Variants in CACNA2D3 observed in about 807,000 individuals in gnomAD.
The protein encoded by CACNA2D3 is calcium voltage-gated channel auxiliary subunit alpha2delta 3.
In CACNA2D3, 60 loss-of-function variants were observed where a neutral mutation model predicts 160.6. The observed-to-expected ratio is 0.37, with a 90% CI of 0.30 to 0.46. The LOEUF (loss-of-function observed/expected upper bound fraction) is 0.46. Ranked by LOEUF, CACNA2D3 falls within the 20% of genes least tolerant of loss-of-function variation. The probability of loss-of-function intolerance (pLI) is 1.00; values close to 1 mark genes in which losing one functional copy is unlikely to be tolerated. For missense variants in CACNA2D3, 1,205 were observed against 1,365.0 expected (o/e 0.88, Z 1.85); for synonymous variants, 558 against 492.9 (o/e 1.13, Z -1.75).
intron 2 of CACNA2D3, among the ~76,000 whole-genome samples, chr3:54,250,641 G>T (rs933641448): frequency 1.3e-5 from 2 of 152,116 alleles, no homozygotes. Flanking sequence ...TAGACTTGTT[G>T]CCCTGGCTGG....
intron 29 of CACNA2D3, among the ~76,000 whole-genome samples, chr3:54,974,797 C>T (rs1161782349): frequency 1.3e-5 from 2 of 152,176 alleles, no homozygotes; most frequent in African/African-American, 2.4e-5. Flanking sequence ...TCTGTTTGAA[C>T]TCCTAATTTC....
intron 9 of CACNA2D3, among the ~76,000 whole-genome samples, chr3:54,590,899 A>T (rs1702846552): frequency 6.6e-6 from 1 of 152,184 alleles, no homozygotes. Flanking sequence ...AGGTTGCTTT[A>T]GTTATATAAA....
At chr3:54,618,374 T>TATATATATATACACACACACACAC in intron 9 of CACNA2D3, among the ~76,000 whole-genome samples, 1 of 54,584 alleles carries the variant, frequency 1.8e-5, no homozygotes, top group African/African-American at 1.1e-4. Flanking sequence ...TATATATATA[T>TATATATATATACACACACACACAC]GCACACACAC....
At position 54,802,629 on chromosome 3, in the gene CACNA2D3, G is replaced by C. The variant is rs370783493; in HGVS notation, c.1381-14224G>C. Among the ~76,000 whole-genome samples, 8 of 152,218 alleles carry C rather than the reference G, an allele frequency of 5.3e-5. No individual in the cohort carries two copies. In the East Asian group the frequency reaches 1.4e-3, roughly 26 times the overall value. On this transcript the variant is annotated intron_variant, in intron 13 of 37. Coordinates refer to ENST00000474759, the MANE Select transcript of CACNA2D3 (RefSeq NM_018398.3). The stretch of plus-strand genomic sequence containing the variant: ...GAAAATAGTAGTCCTCTGGGGGCAG[G>C]GCACAGACAAACAAAAAGACAGCAG...
chr3:54,621,956 C>A (rs1198597796), intron 9 of CACNA2D3, among the ~76,000 whole-genome samples: 2 of 152,078 alleles, frequency 1.3e-5, no homozygotes, highest in African/African-American at 4.8e-5. Flanking sequence ...CAGATGACTT[C>A]TTTTTTCGGG....
In CACNA2D3 at chr3:55,073,575, G is replaced by A. The variant is rs1223539290; in HGVS notation, c.3100+18G>A. 6.3e-7 allele frequency: 1 copy of A among 1,587,466 alleles called. No homozygotes were observed. Among genetic ancestry groups the A allele is most frequent in the African/African-American group, 1.3e-5 (1 of 74,386 alleles). On this transcript the variant is annotated intron_variant, in intron 36 of 37. Transcript: ENST00000474759. Reference sequence around the variant, plus strand: ...AATCAGGTATATCCTTTTGTGTGCAGGTCCACTCACTACCACGGAAACCAG... The same window carrying A: ...AATCAGGTATATCCTTTTGTGTGCAAGTCCACTCACTACCACGGAAACCAG...
At chr3:54,203,849 G>A (rs1701219866) in intron 2 of CACNA2D3, among the ~76,000 whole-genome samples, 1 of 151,908 alleles carries the variant, frequency 6.6e-6, no homozygotes. Flanking sequence ...CTGCTTGCTA[G>A]GGTCTCAGAT....
At chr3:54,900,977 G>A (rs1035319983) in intron 27 of CACNA2D3, among the ~76,000 whole-genome samples, 47 of 152,144 alleles carry the variant, frequency 3.1e-4, no homozygotes, top group Non-Finnish European at 8.8e-5. Flanking sequence ...TCTGACCTGT[G>A]GCTCATCTTG....
chr3:54,411,484 C>A (rs887822506), intron 4 of CACNA2D3, among the ~76,000 whole-genome samples: 6 of 152,142 alleles, frequency 3.9e-5, no homozygotes, highest in Admixed American at 6.6e-5. Context: ...AGACCCTCCA[C>A]CAGCAGAAAG....
At chr3:54,442,058 C>T (rs1700153584) in intron 4 of CACNA2D3, among the ~76,000 whole-genome samples, 1 of 152,184 alleles carries the variant, frequency 6.6e-6, no homozygotes, top group African/African-American at 2.4e-5. Flanking sequence ...ATCCTCCTGC[C>T]TCTGCCTCCT....
At chr3:54,936,940 A>G (rs1418400955) in intron 27 of CACNA2D3, among the ~76,000 whole-genome samples, 1 of 152,166 alleles carries the variant, frequency 6.6e-6, no homozygotes, top group Non-Finnish European at 1.5e-5. Flanking sequence ...GCTGATGTTT[A>G]TAAGTTCCTA....
rs1335071317 is a variant in CACNA2D3, at chr3:54,832,291, CTG to C, written c.1399-4861_1399-4860del. Among the ~76,000 whole-genome samples the C allele has an allele frequency of 4.6e-5, 7 of 152,182 alleles. 1 individual carries two copies. The highest frequency in any genetic ancestry group is 4.4e-5 in the Non-Finnish European group (3 of 68,040). Reference sequence around the variant, plus strand: ...GCGCAGAGTGTGTGTGTGCACACTTCTGTGTGTGAAGTGCTCTGGTTAACACA... The same window carrying C: ...GCGCAGAGTGTGTGTGTGCACACTTCTGTGTGAAGTGCTCTGGTTAACACA... On this transcript the variant is annotated intron_variant, in intron 14 of 37. Coordinates refer to ENST00000474759, the MANE Select transcript of CACNA2D3 (RefSeq NM_018398.3).
In CACNA2D3 at chr3:54,356,781, A is replaced by T. The variant is rs141541837; in HGVS notation, c.322-29934A>T. ...CTGTTACAGTGGTATTAATTTTAAA[A>T]ATTTGCATTCCTCCATCATCAGTGT... On this transcript the variant is annotated intron_variant, in intron 3 of 37. Coordinates refer to ENST00000474759, the MANE Select transcript of CACNA2D3 (RefSeq NM_018398.3). Among the ~76,000 whole-genome samples the T allele has an allele frequency of 1.6e-3, 250 of 152,286 alleles. 4 individuals are homozygous for T. In the Middle Eastern group the frequency reaches 0.02, roughly 12 times the overall value.
At chr3:54,969,949 T>C (rs1057168431) in intron 29 of CACNA2D3, 105 bp downstream of exon 29, 10 of 938,646 alleles carry the variant, frequency 1.1e-5, no homozygotes, top group Non-Finnish European at 1.7e-5. Context: ...GGTTGACGCA[T>C]TGTACTGGGC....
At chr3:54,520,089 G>A (rs1026443227) in intron 5 of CACNA2D3, among the ~76,000 whole-genome samples, 10 of 152,252 alleles carry the variant, frequency 6.6e-5, no homozygotes, top group Non-Finnish European at 1.3e-4. Flanking sequence ...TTTTACAAAA[G>A]TGCAAGTTAA....
At chr3:54,197,266 G>A (rs952603586) in intron 2 of CACNA2D3, 5 of 152,152 alleles carry the variant, frequency 3.3e-5, no homozygotes, top group African/African-American at 9.7e-5. Context: ...TATGGAAAAT[G>A]TCATGGGACA....
chr3:54,843,849 C>CT (rs1306593234), intron 16 of CACNA2D3, among the ~76,000 whole-genome samples: 1 of 152,114 alleles, frequency 6.6e-6, no homozygotes, highest in Non-Finnish European at 1.5e-5. Flanking sequence ...ACTGGGGAGT[C>CT]TGTGTGGTTG....
intron 27 of CACNA2D3, among the ~76,000 whole-genome samples, chr3:54,918,071 C>A (rs768788543): frequency 3.3e-5 from 5 of 152,102 alleles, no homozygotes; most frequent in Admixed American, 6.5e-5. Context: ...TCCAGTGGAC[C>A]ATAAAGCTCC....
At chr3:54,735,820 T>A (rs1701484989) in intron 11 of CACNA2D3, among the ~76,000 whole-genome samples, 2 of 151,506 alleles carry the variant, frequency 1.3e-5, no homozygotes, top group South Asian at 4.2e-4. Context: ...CAAAATACTT[T>A]TCTTATAGAA....
Sources: gnomAD v4.1 joint callset for allele counts (sites outside exome capture counted in the v4.1 genomes callset) on GRCh38, gnomAD v4.1.1 for gene constraint, MANE v1.5 for transcripts, NCBI Gene and HGNC (gene_info 2026-07-23, HGNC 2026-07-21) for gene names.